SBF2: variants seen among roughly 807,000 people sequenced by gnomAD.
SBF2 encodes SET binding factor 2, also known as myotubularin-related protein 13.
SBF2 carries 112 observed loss-of-function variants against 225.2 expected under a neutral mutation model. The ratio of observed to expected loss-of-function variants is 0.50; its 90% CI spans 0.43 to 0.58. The LOEUF (loss-of-function observed/expected upper bound fraction) is 0.58, where lower values mean the gene tolerates loss of function less well. Ranked by LOEUF, SBF2 falls within the 20% of genes least tolerant of loss-of-function variation. SBF2 has a pLI of 0.00. For synonymous variants in SBF2, 763 were observed against 773.3 expected (o/e 0.99, Z 0.22); for missense variants, 1,996 against 2,206.2 (o/e 0.90, Z 1.91).
chr11:9,919,270 C>CTTCTTTT (rs1554954354), intron 16 of SBF2, among the ~76,000 whole-genome samples: 5 of 139,942 alleles, frequency 3.6e-5, no homozygotes, highest in Admixed American at 7.3e-5. Context: ...TCTTCTTCTT[C>CTTCTTTT]TTTTTTTTTT....
chr11:10,287,039 C>T (rs1472310574), intron 1 of SBF2, among the ~76,000 whole-genome samples: 3 of 152,158 alleles, frequency 2.0e-5, no homozygotes, highest in African/African-American at 7.2e-5. Flanking sequence ...TAAATCGTAT[C>T]ATACTAAGCA....
At chr11:10,298,864 C>A (rs977854334), upstream of SBF2, among the ~76,000 whole-genome samples, 3 of 152,148 alleles carry the variant, frequency 2.0e-5, no homozygotes, top group Non-Finnish European at 4.4e-5. Flanking sequence ...TTTATTATTG[C>A]AATAGGTTCT....
At chr11:10,159,483 C>T (rs1955626756) in intron 2 of SBF2, among the ~76,000 whole-genome samples, 1 of 152,224 alleles carries the variant, frequency 6.6e-6, no homozygotes, top group East Asian at 1.9e-4. Context: ...ACTGGCTCAT[C>T]TGATCTTGTG....
Position 9,858,270 on chromosome 11 carries a change from G to T in SBF2, c.2056C>A (p.Leu686Ile). ...GCATGATTGTCTTCCTTGGCTGAGA[G>T]ATAAAGGGAGCGAACCTGTTCCTGC... The part of the protein sequence containing the change: ...AVQEQVRSLY[L>I]SAKEDNHAPH... Residue 686 changes from leucine to isoleucine, a missense_variant, in exon 18 of 40, where the codon CTC (leucine) becomes ATC (isoleucine). Physicochemically the swap from Leu to Ile is conservative, Grantham distance 5. Transcript: ENST00000256190. The T allele has an allele frequency of 6.2e-7, 1 of 1,614,196 alleles. No homozygotes were observed.
chr11:10,112,751 G>C (rs896608580), intron 2 of SBF2, among the ~76,000 whole-genome samples: 1 of 152,134 alleles, frequency 6.6e-6, no homozygotes, highest in Non-Finnish European at 1.5e-5. Flanking sequence ...CTCTGACACA[G>C]CTCTTTAAAT....
At chr11:10,152,817 A>C (rs556070149) in intron 2 of SBF2, among the ~76,000 whole-genome samples, 2 of 152,344 alleles carry the variant, frequency 1.3e-5, no homozygotes, top group South Asian at 4.1e-4. Flanking sequence ...TGCAGAATCA[A>C]CCATGGGTAT....
At position 9,992,433 on chromosome 11, in the gene SBF2, AG is replaced by A. The variant is rs1292869247; in HGVS notation, c.1277del (p.Ser426PhefsTer9). On this transcript the variant is annotated frameshift_variant, in exon 12 of 40. Coordinates refer to ENST00000256190, the MANE Select transcript of SBF2 (RefSeq NM_030962.4). LOFTEE classifies it high-confidence loss of function. ...GCTATACCTCATCAAAGAGATCACA[AG>A]ATCTATAAGGAGGACCTCTTTCTGA... is the stretch of plus-strand genomic sequence containing the variant. The part of the protein sequence containing the change: ...FVSERGPPYR[S>X]CDLFDELVAF... The A allele has an allele frequency of 6.2e-7, 1 of 1,612,736 alleles. No homozygotes were observed.
intron 2 of SBF2, among the ~76,000 whole-genome samples, chr11:10,120,020 T>C (rs1410757763): frequency 6.6e-6 from 1 of 152,240 alleles, no homozygotes; most frequent in Non-Finnish European, 1.5e-5. Context: ...TGTACACTGT[T>C]GTGCAACAGA....
At chr11:10,258,793 C>G (rs1302876479) in intron 1 of SBF2, among the ~76,000 whole-genome samples, 1 of 151,012 alleles carries the variant, frequency 6.6e-6, no homozygotes, top group African/African-American at 2.4e-5. Context: ...ATTAGTTGGG[C>G]AAATAAGATA....
intron 16 of SBF2, chr11:9,961,516 T>G (rs1866565915): frequency 6.5e-6 from 1 of 153,744 alleles, no homozygotes; most frequent in South Asian, 2.0e-4. Context: ...CAAGTGGAAA[T>G]TTTGTTGTTG....
At chr11:10,271,565 C>T (rs1962494886) in intron 1 of SBF2, among the ~76,000 whole-genome samples, 1 of 135,536 alleles carries the variant, frequency 7.4e-6, no homozygotes, top group South Asian at 2.5e-4. Flanking sequence ...TTTGTACTTT[C>T]TGGTCTTCAT....
At chr11:9,921,421 T>A (rs778496943) in intron 16 of SBF2, among the ~76,000 whole-genome samples, 3 of 152,176 alleles carry the variant, frequency 2.0e-5, no homozygotes, top group Non-Finnish European at 4.4e-5. Context: ...TTCTACTTAA[T>A]CAGAAACTCT....
At chr11:10,002,036 CAG>C (rs1803014656) in intron 7 of SBF2, among the ~76,000 whole-genome samples, 1 of 151,900 alleles carries the variant, frequency 6.6e-6, no homozygotes, top group Non-Finnish European at 1.5e-5. Flanking sequence ...ATAAAAAAAA[CAG>C]AGGAAAAAAT....
chr11:10,026,921 C>T (rs1033037715), intron 6 of SBF2, among the ~76,000 whole-genome samples: 4 of 151,970 alleles, frequency 2.6e-5, no homozygotes, highest in African/African-American at 9.7e-5. Context: ...CTTAACTATG[C>T]TCAGTGAGTA....
intron 28 of SBF2, among the ~76,000 whole-genome samples, chr11:9,825,740 A>C (rs1246040579): frequency 6.6e-6 from 1 of 152,254 alleles, no homozygotes; most frequent in Non-Finnish European, 1.5e-5. Context: ...TTTAAAAAAA[A>C]GCACTGATTC....
intron 17 of SBF2, among the ~76,000 whole-genome samples, chr11:9,866,683 G>T (rs1214479337): frequency 6.6e-6 from 1 of 152,128 alleles, no homozygotes; most frequent in African/African-American, 2.4e-5. Context: ...GATTTCTTGG[G>T]CAAGACCTCA....
chr11:10,083,608 A>G (rs1565210695), intron 2 of SBF2, among the ~76,000 whole-genome samples: 1 of 152,214 alleles, frequency 6.6e-6, no homozygotes, highest in African/African-American at 2.4e-5. Context: ...TAGAGTCAAC[A>G]AAAACATACA....
intron 2 of SBF2, among the ~76,000 whole-genome samples, chr11:10,178,180 AC>A (rs1477692354): frequency 1.4e-5 from 2 of 147,528 alleles, no homozygotes; most frequent in African/African-American, 5.0e-5. Context: ...TACACCTTAT[AC>A]AAAAATCAAT....
In SBF2 at chr11:10,288,170, T is replaced by C. The variant is rs1963923907; in HGVS notation, c.55+5845A>G. 2.0e-5 allele frequency among the ~76,000 whole-genome samples: 3 copies of C among 152,196 alleles called. No homozygotes were observed. In the South Asian group the frequency reaches 6.2e-4, roughly 32 times the overall value. ...AGAAGGGCCACAGCTCTTATCTCCC[T>C]TCCTTCACCTGCAACATGGTGAGCA... On this transcript the variant is annotated intron_variant, in intron 1 of 39. Transcript: ENST00000256190.
Sources: gnomAD v4.1 joint callset for allele counts (sites outside exome capture counted in the v4.1 genomes callset) on GRCh38, gnomAD v4.1.1 for gene constraint, MANE v1.5 for transcripts, NCBI Gene and HGNC (gene_info 2026-07-23, HGNC 2026-07-21) for gene names.